The following ANKRD6 variants were observed in gnomAD, a reference collection of about 807,000 sequenced individuals.
ANKRD6 encodes ankyrin repeat domain-containing protein 6.
In ANKRD6, 56 loss-of-function variants were observed where a neutral mutation model predicts 82.3. The observed-to-expected ratio is 0.68, with a 90% CI of 0.55 to 0.85. The LOEUF (loss-of-function observed/expected upper bound fraction) is 0.85. ANKRD6 is among the 40% of genes least tolerant of loss of function. ANKRD6 has a pLI of 0.00. For synonymous variants in ANKRD6, 347 were observed against 352.1 expected (o/e 0.99, Z 0.16); for missense variants, 852 against 907.6 (o/e 0.94, Z 0.79).
intron 2 of ANKRD6, chr6:89,581,683 A>C (rs1352578489): frequency 1.3e-5 from 2 of 152,054 alleles, no homozygotes; most frequent in African/African-American, 4.8e-5. Flanking sequence ...ATGGGAGGGG[A>C]ATAGAAGAGG....
intron 1 of ANKRD6, among the ~76,000 whole-genome samples, chr6:89,534,615 C>T (rs958510082): frequency 1.5e-4 from 23 of 152,238 alleles, no homozygotes; most frequent in African/African-American, 5.5e-4. Flanking sequence ...TCCATTCATC[C>T]ATCTGTTCAT....
chr6:89,574,530 A>G (rs1455003588), intron 2 of ANKRD6, among the ~76,000 whole-genome samples: 1 of 152,240 alleles, frequency 6.6e-6, no homozygotes, highest in Non-Finnish European at 1.5e-5. Context: ...TCCAGTGCCT[A>G]GCAAGGTACT....
Position 89,617,024 on chromosome 6 carries a change from C to T in ANKRD6, c.714+367C>T, listed in dbSNP as rs780889524. On this transcript the variant is annotated intron_variant, in intron 8 of 15. Coordinates refer to ENST00000339746, the MANE Select transcript of ANKRD6 (RefSeq NM_001242809.2). ...GCCACATGGCCCTCAGTTTAGTCAG[C>T]TTCAAAATTCTAAAGCAACTCCTTT... The T allele has an allele frequency of 8.2e-4, 359 of 437,610 alleles. 3 individuals are homozygous for T. The highest frequency in any genetic ancestry group is 5.4e-3 in the Middle Eastern group (16 of 2,960). 27.1% of individuals were successfully genotyped at this position (437,610 alleles called of 1,614,324 possible).
chr6:89,562,533 A>G (rs900829440), intron 1 of ANKRD6: 1 of 152,196 alleles, frequency 6.6e-6, no homozygotes, highest in African/African-American at 2.4e-5. Flanking sequence ...TCATTCAGAA[A>G]TGTTCCTCCG....
intron 1 of ANKRD6, among the ~76,000 whole-genome samples, chr6:89,533,397 C>T (rs1783425774): frequency 6.6e-6 from 1 of 152,126 alleles, no homozygotes; most frequent in Non-Finnish European, 1.5e-5. Context: ...TATTTGACAA[C>T]TTGCAGCAAC....
intron 2 of ANKRD6, among the ~76,000 whole-genome samples, chr6:89,581,285 CA>C (rs1792459744): frequency 6.6e-6 from 1 of 152,204 alleles, no homozygotes. Flanking sequence ...TCTTATTGCA[CA>C]GTACGATTAT....
chr6:89,604,918 G>T (rs1798143266), intron 4 of ANKRD6, among the ~76,000 whole-genome samples: 1 of 152,174 alleles, frequency 6.6e-6, no homozygotes, highest in Admixed American at 6.5e-5. Flanking sequence ...GAATGCACCT[G>T]CACTGACCTC....
At chr6:89,615,306 G>A (rs77346201) in intron 7 of ANKRD6, among the ~76,000 whole-genome samples, 1 of 152,098 alleles carries the variant, frequency 6.6e-6, no homozygotes, top group African/African-American at 2.4e-5. Context: ...GAACCTCTGG[G>A]GGTGAGGTCC....
chr6:89,575,834 G>A (rs141833455), intron 2 of ANKRD6, among the ~76,000 whole-genome samples: 1 of 152,288 alleles, frequency 6.6e-6, no homozygotes, highest in African/African-American at 2.4e-5. Flanking sequence ...ACAGATAAGG[G>A]CATCTCTTCT....
chr6:89,535,099 TAAAC>T (rs974017820), intron 1 of ANKRD6, among the ~76,000 whole-genome samples: 2 of 152,216 alleles, frequency 1.3e-5, no homozygotes, highest in Non-Finnish European at 2.9e-5. Context: ...TTCAAAGTCT[TAAAC>T]AAGAGTAAAG....
rs1332650167 is a variant in ANKRD6, at chr6:89,580,656, A to G, written c.120+13560A>G. ...CCAGTTTCGACAAAACCTCACTTCC[A>G]CGAGGGATTTGCGATGCTGGTGTTC... is the stretch of plus-strand genomic sequence containing the variant. On this transcript the variant is annotated intron_variant, in intron 2 of 15. Transcript: ENST00000339746. Among the ~76,000 whole-genome samples, 6 of 151,956 alleles carry G rather than the reference A, an allele frequency of 3.9e-5. No individual in the cohort carries two copies. The East Asian group carries it at 1.2e-3, about 30-fold the overall frequency.
rs574903904 is a variant in ANKRD6 at position 89,582,793 on chromosome 6, C to T, written c.121-13123C>T. On this transcript the variant is annotated intron_variant, in intron 2 of 15. Transcript: ENST00000339746. ...TGCCCAAGTTATTAGCCTCCTTGAG[C>T]CTTCATTTCCTGTCTGTAAAATCAG... 2.0e-5 allele frequency among the ~76,000 whole-genome samples: 3 copies of T among 152,310 alleles called. No homozygotes were observed. In the South Asian group the frequency reaches 6.2e-4, roughly 32 times the overall value.
intron 2 of ANKRD6, among the ~76,000 whole-genome samples, chr6:89,592,257 C>T (rs1288768865): frequency 6.6e-6 from 1 of 152,032 alleles, no homozygotes; most frequent in African/African-American, 2.4e-5. Context: ...TGTAGGGTGT[C>T]GAAGAGCAGA....
At chr6:89,591,107 T>G (rs1794805034) in intron 2 of ANKRD6, among the ~76,000 whole-genome samples, 1 of 152,110 alleles carries the variant, frequency 6.6e-6, no homozygotes, top group African/African-American at 2.4e-5. Context: ...TTTTTTTCTT[T>G]TCTTTCTTTT....
At chr6:89,606,154 T>G in intron 5 of ANKRD6, 49 bp downstream of exon 5, 3 of 1,440,272 alleles carry the variant, frequency 2.1e-6, no homozygotes, top group Non-Finnish European at 2.8e-6. Context: ...TGAGGATGGC[T>G]GTGGGTTTCT....
At chr6:89,536,539 GC>G (rs1269928989) in intron 1 of ANKRD6, among the ~76,000 whole-genome samples, 2 of 152,240 alleles carry the variant, frequency 1.3e-5, no homozygotes, top group African/African-American at 4.8e-5. Flanking sequence ...GTCCTCTGTG[GC>G]CCTGTGTATG....
At position 89,545,688 on chromosome 6, in the gene ANKRD6, A is replaced by G. The variant is rs559504200; in HGVS notation, c.-143-21146A>G. ...GATGAACTAAATCTTGAAGAAAACA[A>G]CATTGAACTTGAATCAAACGTGGTT... On this transcript the variant is annotated intron_variant, in intron 1 of 15. Coordinates refer to ENST00000339746, the MANE Select transcript of ANKRD6 (RefSeq NM_001242809.2). Among the ~76,000 whole-genome samples the G allele has an allele frequency of 4.9e-4, 75 of 152,342 alleles. 1 individual carries two copies. The highest frequency in any genetic ancestry group is 1.7e-3 in the African/African-American group (69 of 41,570).
chr6:89,550,608 T>A (rs1324271949), intron 1 of ANKRD6, among the ~76,000 whole-genome samples: 1 of 152,182 alleles, frequency 6.6e-6, no homozygotes, highest in Non-Finnish European at 1.5e-5. Flanking sequence ...GTACATCCTG[T>A]TAGAAAGTTC....
intron 1 of ANKRD6, among the ~76,000 whole-genome samples, chr6:89,486,975 G>A (rs1049272914): frequency 1.3e-5 from 2 of 152,186 alleles, no homozygotes; most frequent in Non-Finnish European, 2.9e-5. Context: ...TGAATTTGGG[G>A]TTGGGGGGTG....
Sources: allele counts gnomAD v4.1 joint callset (sites outside exome capture counted in the v4.1 genomes callset), GRCh38; gene constraint gnomAD v4.1.1; transcripts MANE v1.5; gene names NCBI Gene and HGNC (gene_info 2026-07-23, HGNC 2026-07-21).